NADK: variants seen among roughly 807,000 people sequenced by gnomAD.
NADK encodes the protein NAD kinase, also known as poly(P)/ATP NAD kinase.
In NADK, 22 loss-of-function variants were observed where a neutral mutation model predicts 49.8. That is an observed-to-expected ratio of 0.44 (90% CI 0.32 to 0.63). The LOEUF is 0.63. Ranked by LOEUF, NADK falls within the 30% of genes least tolerant of loss-of-function variation. The pLI is 0.06. For missense variants in NADK, 438 were observed against 609.4 expected (o/e 0.72, Z 2.96); for synonymous variants, 268 against 253.7 (o/e 1.06, Z -0.54).
At chr1:1,762,155 C>T in intron 2 of NADK, 120 bp from the exon 3 acceptor site, 11 of 805,410 alleles carry the variant, frequency 1.4e-5, no homozygotes, top group Non-Finnish European at 2.2e-5. Flanking sequence ...ATGCCAACTC[C>T]ATCTGCCCAG....
chr1:1,756,285 C>T lies in NADK; in HGVS notation c.558G>A (p.Thr186=), dbSNP rs1356969324. The change falls in exon 6 of 12, where the codon ACG becomes ACA. Residue 186 remains threonine (T), a synonymous_variant. Transcript: ENST00000341426. ...GGAAAAGCGAGGAAGCGTACAGCAG[C>T]GTCCCGTCTCCCCCCAGGCAGATGA... is the stretch of plus-strand genomic sequence containing the variant. ...DFIICLGGDG[T]LLYASSLFQG... is the part of the protein sequence containing the mutation. The T allele has an allele frequency of 2.5e-6, 4 of 1,614,152 alleles. No individual in the cohort carries two copies. Among genetic ancestry groups the T allele is most frequent in the Non-Finnish European group, 3.4e-6 (4 of 1,180,008 alleles).
At chr1:1,761,876 GC>G in intron 3 of NADK, 75 bp downstream of exon 3, 4 of 1,388,236 alleles carry the variant, frequency 2.9e-6, no homozygotes, top group Non-Finnish European at 4.1e-6. Context: ...CCATCCCATG[GC>G]CCCCGGCACT....
intron 3 of NADK, chr1:1,758,713 C>T: frequency 8.1e-6 from 11 of 1,351,940 alleles, no homozygotes; most frequent in Non-Finnish European, 1.1e-5. Flanking sequence ...GTCACATGGT[C>T]CTCCTGCCTA....
At chr1:1,755,523 C>T (rs2076327) in intron 6 of NADK, 47 bp from the exon 7 acceptor site, 666,337 of 1,411,760 alleles carry the variant, frequency 0.47, 162,073 homozygotes, top group Middle Eastern at 0.56. Context: ...CGTGCACCCC[C>T]GCACCACCCA....
chr1:1,755,138 AGAGT>A (rs551887758), intron 7 of NADK, among the ~76,000 whole-genome samples: 390 of 152,290 alleles, frequency 2.6e-3, no homozygotes, highest in Middle Eastern at 6.8e-3. Context: ...GTGCCTTCTG[AGAGT>A]GAGAATCAGC....
intron 3 of NADK, among the ~76,000 whole-genome samples, chr1:1,760,795 C>CTG (rs1645697473): frequency 1.3e-5 from 2 of 152,250 alleles, no homozygotes; most frequent in African/African-American, 4.8e-5. Context: ...ATGAGGATGT[C>CTG]TACCAGGTGC....
At chr1:1,771,050 A>AT (rs1557861060) in intron 1 of NADK, among the ~76,000 whole-genome samples, 2 of 144,808 alleles carry the variant, frequency 1.4e-5, no homozygotes, top group Non-Finnish European at 3.0e-5. Context: ...TATAAAAAAA[A>AT]AAAAAATATA....
intron 6 of NADK, 60 bp downstream of exon 6, chr1:1,756,198 C>G: frequency 1.4e-6 from 2 of 1,458,282 alleles, no homozygotes; most frequent in South Asian, 2.3e-5. Flanking sequence ...CTTGTGAGCC[C>G]CTCGTTACGC....
Position 1,754,454 on chromosome 1 carries a change from C to A in NADK, c.844-71G>T. Reference sequence around the variant, plus strand: ...CGGCTCGCAGACACCCTCCGTCTCACCCAGCCGGGCTCTCCGGAAGGTCCT... The same window carrying A: ...CGGCTCGCAGACACCCTCCGTCTCAACCAGCCGGGCTCTCCGGAAGGTCCT... On this transcript the variant is annotated intron_variant, in intron 8 of 11. Coordinates refer to ENST00000341426, the MANE Select transcript of NADK (RefSeq NM_023018.5). This position sits in a 1 kb window ranked among gnomAD's most constrained non-coding sequence, Gnocchi z 4.3. The A allele has an allele frequency of 6.2e-7, 1 of 1,606,802 alleles. No homozygotes were observed. The highest frequency in any genetic ancestry group is 8.5e-7 in the Non-Finnish European group (1 of 1,175,050).
chr1:1,760,061 G>A (rs1490460133), intron 3 of NADK, among the ~76,000 whole-genome samples: 1 of 152,226 alleles, frequency 6.6e-6, no homozygotes, highest in Non-Finnish European at 1.5e-5. Context: ...GCTGTGCAGG[G>A]AAGGGATGGT....
chr1:1,756,344 C>T lies in NADK; in HGVS notation c.500-1G>A, dbSNP rs1645521448. 6.2e-7 allele frequency: 1 copy of T among 1,613,886 alleles called. No individual in the cohort carries two copies. On this transcript the variant is annotated splice_acceptor_variant, in intron 5 of 11. Transcript: ENST00000341426. LOFTEE classifies it high-confidence loss of function. ...ATCTGATTGGAAATGTCATCATAAT[C>T]TAGGAAACACAAAGCAAAACCAAGA...
At chr1:1,766,331 G>A (rs185717694) in intron 1 of NADK, among the ~76,000 whole-genome samples, 3 of 138,830 alleles carry the variant, frequency 2.2e-5, no homozygotes, top group East Asian at 2.3e-4. Flanking sequence ...GCTTGAACCC[G>A]GGAAGCGGAG....
intron 2 of NADK, among the ~76,000 whole-genome samples, chr1:1,764,780 A>C (rs572566829): frequency 3.9e-5 from 6 of 152,348 alleles, no homozygotes; most frequent in African/African-American, 1.4e-4. Context: ...GCACGCCTGT[A>C]ATCCCAGCTT....
intron 2 of NADK, among the ~76,000 whole-genome samples, chr1:1,764,541 C>A (rs773292288): frequency 4.5e-4 from 69 of 152,200 alleles, no homozygotes; most frequent in Non-Finnish European, 9.0e-4. Flanking sequence ...AACCCCCCAG[C>A]CTTCGCCTCT....
rs530485909 is a variant in NADK at position 1,775,104 on chromosome 1, G to A, written c.-41+3185C>T. On this transcript the variant is annotated intron_variant, in intron 1 of 11. Transcript: ENST00000341426. ...AGCCTGGGGGACAGAGTGAGACTCC[G>A]CCTCAAAGAAAAAAAAAAAATCCTC... Among the ~76,000 whole-genome samples the A allele has an allele frequency of 3.3e-5, 5 of 150,768 alleles. No individual in the cohort carries two copies. The South Asian group carries it at 6.2e-4, about 19-fold the overall frequency.
At position 1,754,653 on chromosome 1, in the gene NADK, A is replaced by G. The variant is rs1160405005; in HGVS notation, c.734T>C (p.Val245Ala). ...VLRSRLKVRV[V>A]KELRGKKTAV... is the part of the protein sequence containing the mutation. ...CGTCTTCTTCCCCCGGAGCTCCTTCACCACCCTGACCTTCAGCCGACTCCG... is the reference window on the plus strand; with the variant it reads ...CGTCTTCTTCCCCCGGAGCTCCTTCGCCACCCTGACCTTCAGCCGACTCCG... Residue 245 changes from valine to alanine, a missense_variant, in exon 8 of 12, where the codon GTG becomes GCG. By Grantham distance (64) the Val-to-Ala change is moderately conservative. Transcript: ENST00000341426. The surrounding 1 kb of genome is among the most constrained non-coding windows in gnomAD (Gnocchi z 4.3). 6.2e-7 allele frequency: 1 copy of G among 1,613,448 alleles called. No individual in the cohort carries two copies. The highest frequency in any genetic ancestry group is 1.7e-5 in the Admixed American group (1 of 59,946).
chr1:1,775,464 C>G (rs943760101), intron 1 of NADK, among the ~76,000 whole-genome samples: 2 of 152,344 alleles, frequency 1.3e-5, no homozygotes, highest in South Asian at 4.1e-4. Context: ...ATGCCCAGTG[C>G]TGGCATGCAC....
At chr1:1,757,902 G>A (rs1354696616) in intron 3 of NADK, among the ~76,000 whole-genome samples, 1 of 152,136 alleles carries the variant, frequency 6.6e-6, no homozygotes, top group Non-Finnish European at 1.5e-5. Flanking sequence ...AGGTTTAAAA[G>A]TCCGTGGCAG....
intron 2 of NADK, 51 bp from the exon 3 acceptor site, chr1:1,762,086 C>T: frequency 6.8e-7 from 1 of 1,475,144 alleles, no homozygotes; most frequent in Non-Finnish European, 9.5e-7. Context: ...ACCAGACATG[C>T]AGTGACAGAC....
Sources: allele counts gnomAD v4.1 joint callset (sites outside exome capture counted in the v4.1 genomes callset), GRCh38; gene constraint gnomAD v4.1.1; non-coding constraint Gnocchi (gnomAD v3.1); transcripts MANE v1.5; gene names NCBI Gene and HGNC (gene_info 2026-07-23, HGNC 2026-07-21).